Variants in KLF12 observed in about 807,000 individuals in gnomAD.
The protein encoded by KLF12 is Krueppel-like factor 12.
In KLF12, 9 loss-of-function variants were observed where a neutral mutation model predicts 37.8. The ratio of observed to expected loss-of-function variants is 0.24; its 90% CI spans 0.14 to 0.42. The LOEUF is 0.42. Ranked by LOEUF, KLF12 falls within the 10% of genes least tolerant of loss-of-function variation. The probability of loss-of-function intolerance (pLI) is 1.00; values close to 1 mark genes in which losing one functional copy is unlikely to be tolerated. For synonymous variants in KLF12, 208 were observed against 202.1 expected, an observed-to-expected ratio of 1.03 and a Z score of -0.25; for missense variants, 411 against 516.0, an observed-to-expected ratio of 0.80 and a Z score of 1.97.
At chr13:74,171,814 C>T in the KLF12 span, among the ~76,000 whole-genome samples, 3 of 152,176 alleles carry the variant, frequency 2.0e-5, no homozygotes, top group Non-Finnish European at 4.4e-5. Flanking sequence ...AAGCCACCCA[C>T]ATCTGCAAAG....
At chr13:74,142,036 C>T in the KLF12 span, among the ~76,000 whole-genome samples, 40 of 152,172 alleles carry the variant, frequency 2.6e-4, no homozygotes, top group Non-Finnish European at 2.5e-4. Context: ...AGGACATTAA[C>T]TCATAAACTA....
chr13:74,100,618 A>AAT (rs56256469), intron 1 of KLF12, among the ~76,000 whole-genome samples: 78,781 of 149,386 alleles, frequency 0.53, 25,088 homozygotes, highest in East Asian at 0.86. Flanking sequence ...GTCCATCTCA[A>AAT]ATATATATAT....
At chr13:74,119,963 A>C (rs1029156802) in intron 1 of KLF12, among the ~76,000 whole-genome samples, 1 of 152,112 alleles carries the variant, frequency 6.6e-6, no homozygotes, top group Non-Finnish European at 1.5e-5. Context: ...AAAAGAAAAA[A>C]AAGAAACATT....
At chr13:74,265,422 C>T in the KLF12 span, among the ~76,000 whole-genome samples, 1 of 152,244 alleles carries the variant, frequency 6.6e-6, no homozygotes, top group South Asian at 2.1e-4. Context: ...TGCATAAAAT[C>T]CCCATGTCTC....
rs535868230 is a variant in KLF12 at position 73,821,366 on chromosome 13, C to T, written c.671-8079G>A. Among the ~76,000 whole-genome samples, 20 of 152,288 alleles carry T rather than the reference C, an allele frequency of 1.3e-4. No individual in the cohort carries two copies. In the South Asian group the frequency reaches 4.1e-3, roughly 32 times the overall value. On this transcript the variant is annotated intron_variant, in intron 4 of 7. Transcript: ENST00000377669. ...AAACACCAGTCTCATTTCCAGCATC[C>T]TACTGACTAGTATTCCTCAAAAATC... is the stretch of plus-strand genomic sequence containing the variant.
chr13:73,947,399 A>G (rs571614762), intron 2 of KLF12, among the ~76,000 whole-genome samples: 1 of 152,212 alleles, frequency 6.6e-6, no homozygotes, highest in East Asian at 1.9e-4. Flanking sequence ...TCTTGTAATC[A>G]CAACACTTTG....
intron 6 of KLF12, among the ~76,000 whole-genome samples, chr13:73,719,091 C>T (rs1173893905): frequency 6.6e-6 from 1 of 152,172 alleles, no homozygotes; most frequent in Non-Finnish European, 1.5e-5. Context: ...CTTCAGATGT[C>T]AAAGAATCCT....
chr13:73,948,462 A>C (rs1008829073), intron 2 of KLF12, among the ~76,000 whole-genome samples: 1 of 152,136 alleles, frequency 6.6e-6, no homozygotes, highest in Non-Finnish European at 1.5e-5. Context: ...CAAGTGATCC[A>C]TCTGCCTTGG....
At chr13:74,012,030 A>G (rs1442219009) in intron 1 of KLF12, among the ~76,000 whole-genome samples, 1 of 152,166 alleles carries the variant, frequency 6.6e-6, no homozygotes, top group Non-Finnish European at 1.5e-5. Flanking sequence ...TATTTTATAT[A>G]GACCTTAAAA....
the KLF12 span, among the ~76,000 whole-genome samples, chr13:74,264,570 A>G: frequency 3.3e-5 from 5 of 152,316 alleles, no homozygotes; most frequent in Admixed American, 2.6e-4. Context: ...TTCCTTAGCC[A>G]GTTGGTGCAT....
the KLF12 span, among the ~76,000 whole-genome samples, chr13:74,288,470 A>C: frequency 6.6e-6 from 1 of 152,186 alleles, no homozygotes; most frequent in African/African-American, 2.4e-5. Context: ...CATTCAGCAC[A>C]GGAACAATGC....
chr13:74,283,985 G>A, the KLF12 span, among the ~76,000 whole-genome samples: 14 of 151,330 alleles, frequency 9.3e-5, no homozygotes, highest in Non-Finnish European at 1.6e-4. Flanking sequence ...TCAGCCTCCC[G>A]TAGCTGGGAT....
chr13:74,288,811 T>C, the KLF12 span, among the ~76,000 whole-genome samples: 3 of 152,300 alleles, frequency 2.0e-5, no homozygotes, highest in African/African-American at 7.2e-5. Context: ...GGGCCGGTCA[T>C]GCAGCACTAG....
chr13:73,994,322 C>A (rs143272133), intron 2 of KLF12, among the ~76,000 whole-genome samples: 2 of 152,076 alleles, frequency 1.3e-5, no homozygotes, highest in African/African-American at 4.8e-5. Flanking sequence ...ACCCTACTTA[C>A]GAAATAGAGA....
chr13:74,288,712 C>T, the KLF12 span, among the ~76,000 whole-genome samples: 4 of 152,194 alleles, frequency 2.6e-5, no homozygotes, highest in African/African-American at 9.7e-5. Flanking sequence ...CTAAAAGCCG[C>T]TCTAGACAAC....
chr13:73,765,667 C>T (rs1258626062), intron 5 of KLF12, among the ~76,000 whole-genome samples: 1 of 152,150 alleles, frequency 6.6e-6, no homozygotes, highest in Non-Finnish European at 1.5e-5. Context: ...CTGGAAACAG[C>T]TTAAAGCTTC....
the KLF12 span, chr13:74,231,390 T>C: frequency 1.3e-5 from 2 of 152,216 alleles, no homozygotes; most frequent in Non-Finnish European, 2.9e-5. Context: ...TACTTTCACA[T>C]CATTTGATTT....
intron 1 of KLF12, among the ~76,000 whole-genome samples, chr13:74,012,425 G>A (rs1200298139): frequency 1.3e-5 from 2 of 152,138 alleles, no homozygotes; most frequent in Non-Finnish European, 2.9e-5. Flanking sequence ...TTCATGTCCT[G>A]AAGCAGGGCT....
intron 5 of KLF12, among the ~76,000 whole-genome samples, chr13:73,770,949 C>T (rs532446928): frequency 6.6e-6 from 1 of 152,230 alleles, no homozygotes; most frequent in African/African-American, 2.4e-5. Context: ...CTGATATACA[C>T]CAACAGAATG....
Sources: gnomAD v4.1 joint callset for allele counts (sites outside exome capture counted in the v4.1 genomes callset) on GRCh38, gnomAD v4.1.1 for gene constraint, MANE v1.5 for transcripts, NCBI Gene and HGNC (gene_info 2026-07-23, HGNC 2026-07-21) for gene names.